UBQLN1: variants seen among roughly 807,000 people sequenced by gnomAD.
UBQLN1 encodes the protein ubiquilin 1.
In UBQLN1, 13 loss-of-function variants were observed where a neutral mutation model predicts 65.4. The ratio of observed to expected loss-of-function variants is 0.20; its 90% CI spans 0.13 to 0.32. UBQLN1 has a LOEUF of 0.32. Ranked by LOEUF, UBQLN1 falls within the 10% of genes least tolerant of loss-of-function variation. The pLI is 1.00. For missense variants in UBQLN1, 561 were observed against 724.0 expected (o/e 0.77, Z 2.58); for synonymous variants, 267 against 247.8 (o/e 1.08, Z -0.73).
intron 7 of UBQLN1, chr9:83,667,774 C>T: frequency 1.0e-6 from 1 of 974,080 alleles, no homozygotes; most frequent in African/African-American, 1.8e-5. Context: ...CAAGTTTTTA[C>T]ACTCAAGAGT....
intron 1 of UBQLN1, among the ~76,000 whole-genome samples, chr9:83,689,013 A>G (rs987099963): frequency 1.3e-5 from 2 of 152,232 alleles, no homozygotes; most frequent in Non-Finnish European, 2.9e-5. Context: ...ATTCACAGAC[A>G]TGTGTTACAA....
At chr9:83,695,501 T>C (rs1045269507) in intron 1 of UBQLN1, among the ~76,000 whole-genome samples, 2 of 152,228 alleles carry the variant, frequency 1.3e-5, no homozygotes, top group Non-Finnish European at 2.9e-5. Context: ...CCCAGTCCCC[T>C]TTTTTATACT....
chr9:83,667,463 T>C (rs1831660427), intron 7 of UBQLN1: 1 of 983,020 alleles, frequency 1.0e-6, no homozygotes, highest in Admixed American at 6.2e-5. Flanking sequence ...AAAGTGATCT[T>C]TTAGTTAATT....
intron 7 of UBQLN1, chr9:83,667,023 C>A (rs1831654790): frequency 6.6e-6 from 1 of 152,136 alleles, no homozygotes; most frequent in Non-Finnish European, 1.5e-5. Flanking sequence ...AGGCCTAGCA[C>A]CAACAGTCCT....
At chr9:83,681,128 A>C (rs1426652693) in intron 3 of UBQLN1, among the ~76,000 whole-genome samples, 1 of 152,250 alleles carries the variant, frequency 6.6e-6, no homozygotes, top group Admixed American at 6.5e-5. Flanking sequence ...AACACTGGGT[A>C]CAAGAGGGCT....
chr9:83,666,130 T>C (rs1831639696), intron 8 of UBQLN1, among the ~76,000 whole-genome samples: 1 of 152,120 alleles, frequency 6.6e-6, no homozygotes, highest in South Asian at 2.1e-4. Flanking sequence ...AAAAACAAAA[T>C]GTTCTTTCCT....
At chr9:83,695,372 A>AT (rs1343646134) in intron 1 of UBQLN1, among the ~76,000 whole-genome samples, 2 of 151,686 alleles carry the variant, frequency 1.3e-5, no homozygotes, top group Non-Finnish European at 2.9e-5. Flanking sequence ...TAATTTTTTT[A>AT]TTTTTTTAGT....
At chr9:83,675,383 T>C (rs1831814656) in intron 6 of UBQLN1, among the ~76,000 whole-genome samples, 1 of 152,108 alleles carries the variant, frequency 6.6e-6, no homozygotes, top group Non-Finnish European at 1.5e-5. Context: ...AGCATTTATG[T>C]GTGATCATAC....
At chr9:83,670,575 T>C (rs1454702032) in intron 6 of UBQLN1, among the ~76,000 whole-genome samples, 6 of 152,216 alleles carry the variant, frequency 3.9e-5, no homozygotes, top group Admixed American at 2.0e-4. Context: ...AATATAAAAA[T>C]ACTTTATTGC....
intron 4 of UBQLN1, among the ~76,000 whole-genome samples, chr9:83,679,038 G>C (rs1054757326): frequency 5.9e-5 from 9 of 152,114 alleles, no homozygotes; most frequent in African/African-American, 2.2e-4. Context: ...CACTGTTTTG[G>C]ACCAGCCTCC....
intron 1 of UBQLN1, among the ~76,000 whole-genome samples, chr9:83,691,311 G>C (rs1207154981): frequency 6.6e-6 from 1 of 152,040 alleles, no homozygotes; most frequent in African/African-American, 2.4e-5. Flanking sequence ...AATGACAACA[G>C]AGATAATCAC....
chr9:83,700,042 A>G (rs1260690505), intron 1 of UBQLN1, among the ~76,000 whole-genome samples: 1 of 152,244 alleles, frequency 6.6e-6, no homozygotes, highest in Non-Finnish European at 1.5e-5. Context: ...GGGTTGATAA[A>G]CCAGCATTTA....
intron 2 of UBQLN1, among the ~76,000 whole-genome samples, chr9:83,683,979 C>G (rs915777080): frequency 6.6e-6 from 1 of 151,928 alleles, no homozygotes; most frequent in African/African-American, 2.4e-5. Flanking sequence ...CAAGATTGCG[C>G]CACTGCACTC....
At chr9:83,674,875 C>G (rs1463953213) in intron 6 of UBQLN1, among the ~76,000 whole-genome samples, 1 of 151,984 alleles carries the variant, frequency 6.6e-6, no homozygotes, top group Non-Finnish European at 1.5e-5. Flanking sequence ...GAATTTGGTA[C>G]AACTTGAAGT....
chr9:83,674,393 C>T (rs1306278326), intron 6 of UBQLN1, among the ~76,000 whole-genome samples: 1 of 152,148 alleles, frequency 6.6e-6, no homozygotes, highest in Non-Finnish European at 1.5e-5. Context: ...ATACTCCCCA[C>T]TCACAGAAAA....
chr9:83,706,894 C>T (rs896295473), intron 1 of UBQLN1, among the ~76,000 whole-genome samples: 1 of 152,030 alleles, frequency 6.6e-6, no homozygotes, highest in African/African-American at 2.4e-5. Context: ...TCTCCTTAAA[C>T]CTAGTACTAT....
chr9:83,678,188 AT>A lies in UBQLN1; in HGVS notation c.871-228del, dbSNP rs577819545. Among the ~76,000 whole-genome samples the A allele has an allele frequency of 6.8e-3, 1,029 of 151,828 alleles. 25 individuals are homozygous for A. Among genetic ancestry groups the A allele is most frequent in the Non-Finnish European group, 6.3e-3 (427 of 67,928 alleles). Reference sequence around the variant, plus strand: ...AGGCGCCCACCACCACGCCCAGCTAATTTTTTGTATTTTTAGTAGAGACGGG... The same window carrying A: ...AGGCGCCCACCACCACGCCCAGCTAATTTTTGTATTTTTAGTAGAGACGGG... On this transcript the variant is annotated intron_variant, in intron 5 of 10. Transcript: ENST00000376395.
intron 3 of UBQLN1, among the ~76,000 whole-genome samples, chr9:83,682,060 A>C (rs920705060): frequency 6.6e-6 from 1 of 152,290 alleles, no homozygotes; most frequent in African/African-American, 2.4e-5. Flanking sequence ...GCACTTTGGC[A>C]GATCACAAAT....
chr9:83,684,812 A>C (rs1263998200), intron 2 of UBQLN1, among the ~76,000 whole-genome samples: 16 of 141,756 alleles, frequency 1.1e-4, no homozygotes, highest in African/African-American at 3.5e-4. Context: ...TTCCGTCTCA[A>C]AAAAAAAAAA....
Sources: allele counts gnomAD v4.1 joint callset (sites outside exome capture counted in the v4.1 genomes callset), GRCh38; gene constraint gnomAD v4.1.1; transcripts MANE v1.5; gene names NCBI Gene and HGNC (gene_info 2026-07-23, HGNC 2026-07-21).